Variants in FLRT2 observed in about 807,000 individuals in gnomAD.
FLRT2 encodes leucine-rich repeat transmembrane protein FLRT2.
FLRT2 carries 15 observed loss-of-function variants against 40.0 expected under a neutral mutation model. That is an observed-to-expected ratio of 0.38 (90% CI 0.25 to 0.58). The LOEUF (loss-of-function observed/expected upper bound fraction) is 0.58. Ranked by LOEUF, FLRT2 falls within the 20% of genes least tolerant of loss-of-function variation. The pLI is 0.71. For missense variants in FLRT2, 726 were observed against 840.0 expected (o/e 0.86, Z 1.68); for synonymous variants, 380 against 336.8 (o/e 1.13, Z -1.41).
intron 1 of FLRT2, among the ~76,000 whole-genome samples, chr14:85,608,744 C>T (rs967103436): frequency 1.3e-5 from 2 of 152,272 alleles, no homozygotes; most frequent in South Asian, 2.1e-4. Context: ...GAAGTATGCA[C>T]GACCCTTCTC....
chr14:85,544,069 T>G (rs926204261), intron 1 of FLRT2, among the ~76,000 whole-genome samples: 1 of 152,206 alleles, frequency 6.6e-6, no homozygotes, highest in African/African-American at 2.4e-5. Flanking sequence ...CACAAGAAGA[T>G]CTTCATAATC....
At position 85,624,428 on chromosome 14, in the gene FLRT2, G is replaced by A. The variant is rs80232940; in HGVS notation, c.*931G>A. On this transcript the variant is annotated 3_prime_UTR_variant, in exon 2 of 2. Coordinates refer to ENST00000330753, the MANE Select transcript of FLRT2 (RefSeq NM_013231.6). ...ATTTTTGATAATGAGAATTATTTGG[G>A]TAGATTCACTGAGGCTATGTCAACA... 2,063 of 167,092 alleles carry A rather than the reference G, an allele frequency of 0.012. 27 individuals carry two copies. Among genetic ancestry groups the A allele is most frequent in the Admixed American group, 0.022 (343 of 15,302 alleles). 10.4% of individuals were successfully genotyped at this position (167,092 alleles called of 1,614,324 possible).
chr14:85,616,419 A>G (rs749163658), intron 1 of FLRT2, among the ~76,000 whole-genome samples: 2 of 152,216 alleles, frequency 1.3e-5, no homozygotes, highest in African/African-American at 2.4e-5. Context: ...GACATGCCCA[A>G]TGATTTTGAA....
intron 1 of FLRT2, among the ~76,000 whole-genome samples, chr14:85,533,274 A>T (rs189050729): frequency 6.8e-6 from 1 of 147,944 alleles, no homozygotes; most frequent in East Asian, 2.1e-4. Flanking sequence ...TACTGTAAAC[A>T]TATCCGGGGG....
chr14:85,599,812 G>T (rs1892305598), intron 1 of FLRT2, among the ~76,000 whole-genome samples: 1 of 152,044 alleles, frequency 6.6e-6, no homozygotes, highest in Non-Finnish European at 1.5e-5. Flanking sequence ...GCCACAGGAA[G>T]ATTAAATAAC....
At chr14:85,581,768 A>G (rs1223618905) in intron 1 of FLRT2, among the ~76,000 whole-genome samples, 1 of 152,174 alleles carries the variant, frequency 6.6e-6, no homozygotes, top group Non-Finnish European at 1.5e-5. Flanking sequence ...TATGGGGCTT[A>G]TGAGATTGGT....
At chr14:85,544,479 C>A (rs941662135) in intron 1 of FLRT2, among the ~76,000 whole-genome samples, 7 of 152,162 alleles carry the variant, frequency 4.6e-5, no homozygotes, top group Non-Finnish European at 8.8e-5. Context: ...CATTTGCTCT[C>A]TTCTTTATTT....
intron 1 of FLRT2, among the ~76,000 whole-genome samples, chr14:85,574,331 T>A (rs1891028206): frequency 6.6e-6 from 1 of 151,898 alleles, no homozygotes; most frequent in African/African-American, 2.4e-5. Context: ...ATATTTGAAT[T>A]TCTGATAATG....
intron 1 of FLRT2, among the ~76,000 whole-genome samples, chr14:85,585,440 A>C (rs1479321208): frequency 2.0e-5 from 3 of 152,166 alleles, no homozygotes; most frequent in Non-Finnish European, 4.4e-5. Flanking sequence ...GATAATACCA[A>C]AATTATCTTC....
chr14:85,612,909 C>T (rs1286792546), intron 1 of FLRT2, among the ~76,000 whole-genome samples: 1 of 152,124 alleles, frequency 6.6e-6, no homozygotes, highest in African/African-American at 2.4e-5. Flanking sequence ...AATGTGTATT[C>T]CTCTTGTGAA....
chr14:85,574,806 C>T (rs1402734329), intron 1 of FLRT2, among the ~76,000 whole-genome samples: 5 of 152,168 alleles, frequency 3.3e-5, no homozygotes, highest in African/African-American at 4.8e-5. Flanking sequence ...AATCTAAGAC[C>T]TCCTCACTGG....
At chr14:85,610,251 G>A (rs920288289) in intron 1 of FLRT2, among the ~76,000 whole-genome samples, 7 of 152,072 alleles carry the variant, frequency 4.6e-5, no homozygotes, top group Non-Finnish European at 7.4e-5. Context: ...GGGGATGTTC[G>A]CGAGAAGAGA....
chr14:85,559,062 A>C (rs1890151654), intron 1 of FLRT2, among the ~76,000 whole-genome samples: 1 of 152,244 alleles, frequency 6.6e-6, no homozygotes, highest in Non-Finnish European at 1.5e-5. Flanking sequence ...AGATAGGTGC[A>C]CATGCATGTG....
intron 1 of FLRT2, among the ~76,000 whole-genome samples, chr14:85,566,574 T>TGTGTGTGC (rs945061430): frequency 4.0e-5 from 6 of 151,878 alleles, no homozygotes; most frequent in Admixed American, 1.3e-4. Context: ...TGTGTGTGTG[T>TGTGTGTGC]GTGCAAGATA....
In FLRT2 at chr14:85,614,783, T is replaced by C. The variant is rs550775419; in HGVS notation, c.-376-6356T>C. Among the ~76,000 whole-genome samples the C allele has an allele frequency of 1.8e-4, 28 of 152,296 alleles. No homozygotes were observed. The South Asian group carries it at 5.6e-3, about 30-fold the overall frequency. ...CCAAGTGATGAGGGGGAAATATTTT[T>C]CCCAAAGGTTACTGTCTAAAAAATC... On this transcript the variant is annotated intron_variant, in intron 1 of 1. Transcript: ENST00000330753.
intron 1 of FLRT2, among the ~76,000 whole-genome samples, chr14:85,609,742 C>T (rs778315748): frequency 2.1e-4 from 32 of 152,326 alleles, no homozygotes; most frequent in Admixed American, 8.5e-4. Flanking sequence ...CAGCCCCGCA[C>T]CTCTATTCTC....
chr14:85,566,465 C>A (rs1426979007), intron 1 of FLRT2, among the ~76,000 whole-genome samples: 1 of 151,792 alleles, frequency 6.6e-6, no homozygotes. Context: ...AGAAAATTAT[C>A]TTGATGCTCA....
chr14:85,542,327 T>A (rs181127557), intron 1 of FLRT2, among the ~76,000 whole-genome samples: 11 of 152,330 alleles, frequency 7.2e-5, no homozygotes, highest in Admixed American at 3.3e-4. Flanking sequence ...GTATAATTTC[T>A]GTGTTCCATT....
chr14:85,605,597 C>T (rs952353770), intron 1 of FLRT2, among the ~76,000 whole-genome samples: 5 of 151,930 alleles, frequency 3.3e-5, no homozygotes, highest in Admixed American at 6.6e-5. Context: ...GGTGAAACCC[C>T]GTCTCTACTA....
Sources: gnomAD v4.1 joint callset for allele counts (sites outside exome capture counted in the v4.1 genomes callset) on GRCh38, gnomAD v4.1.1 for gene constraint, MANE v1.5 for transcripts, NCBI Gene and HGNC (gene_info 2026-07-23, HGNC 2026-07-21) for gene names.